The following FSTL5 variants were observed in gnomAD, a reference collection of about 807,000 sequenced individuals.
FSTL5 encodes the protein follistatin-related protein 5.
A neutral mutation model predicts 89.1 loss-of-function variants in FSTL5; 62 were observed. The ratio of observed to expected loss-of-function variants is 0.70; its 90% CI spans 0.57 to 0.86. FSTL5 has a LOEUF of 0.86. Ranked by LOEUF, FSTL5 falls within the 40% of genes least tolerant of loss-of-function variation. The probability of loss-of-function intolerance (pLI) is 0.00; values close to 1 mark genes in which losing one functional copy is unlikely to be tolerated. For missense variants in FSTL5, 1,057 were observed against 1,001.6 expected, an observed-to-expected ratio of 1.06 and a Z score of -0.75; for synonymous variants, 383 against 346.2, an observed-to-expected ratio of 1.11 and a Z score of -1.18.
intron 6 of FSTL5, among the ~76,000 whole-genome samples, chr4:161,670,325 A>T (rs1737055717): frequency 6.6e-6 from 1 of 152,182 alleles, no homozygotes; most frequent in South Asian, 2.1e-4. Context: ...TTGAAAAGCT[A>T]TTACAGATAT....
chr4:161,763,125 AC>A (rs1410547927), intron 5 of FSTL5, among the ~76,000 whole-genome samples: 2 of 152,114 alleles, frequency 1.3e-5, no homozygotes, highest in Non-Finnish European at 2.9e-5. Context: ...TCCTTCACTC[AC>A]TAACTCAATC....
At chr4:161,560,259 T>C (rs1310569390) in intron 8 of FSTL5, among the ~76,000 whole-genome samples, 1 of 151,910 alleles carries the variant, frequency 6.6e-6, no homozygotes, top group Non-Finnish European at 1.5e-5. Context: ...TACTCCTGTA[T>C]AGCGCACTTA....
rs548552163 is a variant in FSTL5 at position 161,546,307 on chromosome 4, T to C, written c.1016-3614A>G. On this transcript the variant is annotated intron_variant, in intron 8 of 15. Coordinates refer to ENST00000306100, the MANE Select transcript of FSTL5 (RefSeq NM_020116.5). ...TATATACATATTATATATATATATA[T>C]ACACATATATAAAACTGAAGAGAGC... Among the ~76,000 whole-genome samples, 343 of 148,284 alleles carry C rather than the reference T, an allele frequency of 2.3e-3. 2 individuals carry two copies. The highest frequency in any genetic ancestry group is 3.0e-3 in the Non-Finnish European group (204 of 67,106).
At chr4:162,134,631 G>A (rs914193898) in intron 1 of FSTL5, among the ~76,000 whole-genome samples, 2 of 152,186 alleles carry the variant, frequency 1.3e-5, no homozygotes, top group Non-Finnish European at 2.9e-5. Context: ...AGCTCATGGA[G>A]ATTGTAATTT....
At chr4:162,018,515 T>C (rs1263418494) in intron 3 of FSTL5, among the ~76,000 whole-genome samples, 1 of 147,812 alleles carries the variant, frequency 6.8e-6, no homozygotes, top group African/African-American at 2.5e-5. Flanking sequence ...TTAATAATTG[T>C]CAGATGCTTA....
chr4:162,054,824 T>C (rs1738486844), intron 2 of FSTL5, among the ~76,000 whole-genome samples: 1 of 151,832 alleles, frequency 6.6e-6, no homozygotes, highest in South Asian at 2.1e-4. Context: ...TGTACCTGTA[T>C]CCCAGTTCCT....
At chr4:161,395,300 C>T (rs565448521) in intron 15 of FSTL5, among the ~76,000 whole-genome samples, 6 of 151,542 alleles carry the variant, frequency 4.0e-5, no homozygotes, top group Admixed American at 6.6e-5. Flanking sequence ...TGTCAAGGGG[C>T]ACAAAATAAT....
chr4:161,447,785 C>T (rs2314097), intron 15 of FSTL5, among the ~76,000 whole-genome samples: 69,145 of 151,916 alleles, frequency 0.46, 16,117 homozygotes, highest in East Asian at 0.65. Flanking sequence ...GTTTATGTTA[C>T]GTAGATGAAG....
chr4:161,943,538 CTTTTTTTTTTTTTTTTTTT>C (rs77101651), intron 3 of FSTL5, among the ~76,000 whole-genome samples: 140 of 34,368 alleles, frequency 4.1e-3, no homozygotes, highest in Middle Eastern at 0.025. Context: ...ACCACTGTAT[CTTTTTTTTTTTTTTTTTTT>C]TTTTTTTTTT....
intron 7 of FSTL5, among the ~76,000 whole-genome samples, chr4:161,625,600 G>C (rs1735289566): frequency 6.6e-6 from 1 of 151,900 alleles, no homozygotes; most frequent in Admixed American, 6.6e-5. Flanking sequence ...TTAAAACTAG[G>C]CCAACAATAG....
At chr4:161,862,463 G>T (rs552581992) in intron 4 of FSTL5, among the ~76,000 whole-genome samples, 2 of 152,100 alleles carry the variant, frequency 1.3e-5, no homozygotes, top group Non-Finnish European at 2.9e-5. Context: ...GGCCGTGTGC[G>T]GTATCTCACA....
chr4:161,520,949 A>C (rs1470982140), intron 10 of FSTL5, among the ~76,000 whole-genome samples: 1 of 152,210 alleles, frequency 6.6e-6, no homozygotes, highest in Admixed American at 6.5e-5. Context: ...TGGCCAACTC[A>C]TCTTTAGCCT....
chr4:161,629,419 T>C (rs1415509891), intron 7 of FSTL5, among the ~76,000 whole-genome samples: 1 of 152,158 alleles, frequency 6.6e-6, no homozygotes, highest in African/African-American at 2.4e-5. Context: ...CTCGGTTCAC[T>C]GCAACCTCTG....
At chr4:162,075,856 A>G (rs966852689) in intron 2 of FSTL5, among the ~76,000 whole-genome samples, 1 of 151,862 alleles carries the variant, frequency 6.6e-6, no homozygotes, top group Non-Finnish European at 1.5e-5. Context: ...CAGTTGAGTC[A>G]TTCTGGAAAG....
intron 4 of FSTL5, 131 bp downstream of exon 4, chr4:161,920,273 T>C: frequency 1.3e-6 from 1 of 781,002 alleles, no homozygotes; most frequent in Non-Finnish European, 2.0e-6. Context: ...CTTAGTGGAG[T>C]ACTTAGGCTA....
At chr4:161,638,687 C>T (rs1328669536) in intron 7 of FSTL5, among the ~76,000 whole-genome samples, 1 of 135,126 alleles carries the variant, frequency 7.4e-6, no homozygotes, top group Non-Finnish European at 1.6e-5. Flanking sequence ...CGGGCAGAGA[C>T]ACAACCAAAA....
chr4:161,463,334 T>C (rs1029763681), intron 13 of FSTL5, among the ~76,000 whole-genome samples: 6 of 152,006 alleles, frequency 3.9e-5, no homozygotes, highest in African/African-American at 1.4e-4. Context: ...CAGATCAAAA[T>C]AAAAAAAGTA....
chr4:161,464,885 A>G (rs945586320), intron 13 of FSTL5, among the ~76,000 whole-genome samples: 2 of 152,138 alleles, frequency 1.3e-5, no homozygotes, highest in Non-Finnish European at 2.9e-5. Flanking sequence ...CCAGGCTTAT[A>G]CAACCTGGCT....
At chr4:161,612,538 C>G (rs950354795) in intron 7 of FSTL5, among the ~76,000 whole-genome samples, 3 of 152,162 alleles carry the variant, frequency 2.0e-5, no homozygotes, top group Non-Finnish European at 2.9e-5. Flanking sequence ...CATTAGCCTC[C>G]ATTAACACAT....
Sources: gnomAD v4.1 joint callset for allele counts (sites outside exome capture counted in the v4.1 genomes callset) on GRCh38, gnomAD v4.1.1 for gene constraint, MANE v1.5 for transcripts, NCBI Gene and HGNC (gene_info 2026-07-23, HGNC 2026-07-21) for gene names.